Variants in BMPR1B observed in about 807,000 individuals in gnomAD.
BMPR1B encodes the protein bone morphogenetic protein receptor type-1B.
In BMPR1B, 12 loss-of-function variants were observed where a neutral mutation model predicts 59.1. That is an observed-to-expected ratio of 0.20 (90% CI 0.13 to 0.33). The LOEUF is 0.33. Ranked by LOEUF, BMPR1B falls within the 10% of genes least tolerant of loss-of-function variation. The pLI, the probability that BMPR1B is intolerant of heterozygous loss-of-function variation, is 1.00. For synonymous variants in BMPR1B, 237 were observed against 207.3 expected (o/e 1.14, Z -1.23); for missense variants, 550 against 610.9 (o/e 0.90, Z 1.05).
chr4:94,813,904 A>G (rs1448060152), intron 1 of BMPR1B, among the ~76,000 whole-genome samples: 1 of 152,196 alleles, frequency 6.6e-6, no homozygotes, highest in Admixed American at 6.5e-5. Context: ...GAAGGAAACA[A>G]TATCAAAGCA....
chr4:95,139,956 G>A (rs1734100751), intron 10 of BMPR1B, among the ~76,000 whole-genome samples: 2 of 152,140 alleles, frequency 1.3e-5, no homozygotes, highest in Non-Finnish European at 2.9e-5. Context: ...ACAGGCCCCA[G>A]TGAGGTGAGC....
At chr4:94,951,829 A>G (rs1729950407) in intron 2 of BMPR1B, among the ~76,000 whole-genome samples, 2 of 152,196 alleles carry the variant, frequency 1.3e-5, no homozygotes, top group African/African-American at 4.8e-5. Context: ...TTCAGAAGGA[A>G]TGGTACCAGC....
chr4:94,953,224 T>C (rs938871394), intron 2 of BMPR1B, among the ~76,000 whole-genome samples: 1 of 152,190 alleles, frequency 6.6e-6, no homozygotes, highest in Non-Finnish European at 1.5e-5. Flanking sequence ...AATTTGCCAG[T>C]GTGTGCCTTT....
intron 3 of BMPR1B, chr4:95,103,406 A>G (rs1030403055): frequency 1.0e-6 from 1 of 971,620 alleles, no homozygotes; most frequent in East Asian, 1.1e-4. Context: ...CACTATAGAT[A>G]AGCTAAATGT....
At chr4:94,996,981 A>G (rs1722104858) in intron 3 of BMPR1B, among the ~76,000 whole-genome samples, 1 of 152,170 alleles carries the variant, frequency 6.6e-6, no homozygotes, top group Non-Finnish European at 1.5e-5. Flanking sequence ...AGACAGAAAG[A>G]ATTGTTTTCT....
chr4:94,848,680 T>C (rs1229651111), intron 1 of BMPR1B, among the ~76,000 whole-genome samples: 1 of 152,194 alleles, frequency 6.6e-6, no homozygotes, highest in Non-Finnish European at 1.5e-5. Context: ...TCATTGATGA[T>C]TCTGGCTGCT....
At chr4:94,785,024 A>C (rs184203653) in intron 1 of BMPR1B, among the ~76,000 whole-genome samples, 2 of 152,190 alleles carry the variant, frequency 1.3e-5, no homozygotes, top group Admixed American at 1.3e-4. Context: ...AAGTTATGCT[A>C]TGGAGCAAAC....
intron 2 of BMPR1B, among the ~76,000 whole-genome samples, chr4:94,995,642 A>G (rs1722009719): frequency 6.6e-6 from 1 of 152,184 alleles, no homozygotes; most frequent in South Asian, 2.1e-4. Context: ...CACCTACCTG[A>G]GGAAAGCTGT....
intron 3 of BMPR1B, chr4:95,103,491 C>T (rs561258806): frequency 3.0e-6 from 3 of 985,328 alleles, no homozygotes; most frequent in Non-Finnish European, 3.6e-6. Flanking sequence ...TATAAGAGCT[C>T]TTACCACAAC....
At chr4:95,128,339 G>A (rs1037651999) in intron 8 of BMPR1B, among the ~76,000 whole-genome samples, 4 of 152,190 alleles carry the variant, frequency 2.6e-5, no homozygotes. Flanking sequence ...TTGGTGTAAA[G>A]TATATCTCTA....
chr4:95,029,180 C>A (rs960857309), intron 3 of BMPR1B, among the ~76,000 whole-genome samples: 1 of 151,722 alleles, frequency 6.6e-6, no homozygotes, highest in Non-Finnish European at 1.5e-5. Flanking sequence ...ATGTGCCATG[C>A]TGGTGTGCTG....
At chr4:94,983,818 C>T (rs550436816) in intron 2 of BMPR1B, among the ~76,000 whole-genome samples, 6 of 152,290 alleles carry the variant, frequency 3.9e-5, no homozygotes, top group East Asian at 1.9e-4. Context: ...TGGCCTTTGC[C>T]GTATTGTAAT....
intron 3 of BMPR1B, among the ~76,000 whole-genome samples, chr4:95,030,149 T>G (rs1249365587): frequency 7.2e-5 from 11 of 151,948 alleles, no homozygotes; most frequent in African/African-American, 1.9e-4. Context: ...TTTTGGCTTT[T>G]GTTGCCATTG....
intron 11 of BMPR1B, among the ~76,000 whole-genome samples, chr4:95,151,739 A>G (rs1735057575): frequency 6.6e-6 from 1 of 152,204 alleles, no homozygotes; most frequent in African/African-American, 2.4e-5. Context: ...ACTTGACGGC[A>G]TCATCTTTTT....
chr4:94,943,559 A>G (rs1476902214), intron 2 of BMPR1B, among the ~76,000 whole-genome samples: 1 of 152,222 alleles, frequency 6.6e-6, no homozygotes, highest in African/African-American at 2.4e-5. Context: ...TATGTGTATC[A>G]TGCTTAGGAT....
intron 10 of BMPR1B, among the ~76,000 whole-genome samples, chr4:95,137,162 G>A (rs568210081): frequency 6.6e-5 from 10 of 152,176 alleles, no homozygotes; most frequent in African/African-American, 1.4e-4. Context: ...CCTTCATTTC[G>A]TTATGTACCC....
At chr4:95,011,029 T>A (rs1723190029) in intron 3 of BMPR1B, among the ~76,000 whole-genome samples, 1 of 152,230 alleles carries the variant, frequency 6.6e-6, no homozygotes, top group South Asian at 2.1e-4. Flanking sequence ...TTAATTTATG[T>A]CAGTTGCTTT....
intron 3 of BMPR1B, among the ~76,000 whole-genome samples, chr4:95,072,449 C>T (rs1728380560): frequency 6.6e-6 from 1 of 152,116 alleles, no homozygotes; most frequent in African/African-American, 2.4e-5. Context: ...TTAGGCTTAG[C>T]TCTAGGGATT....
intron 1 of BMPR1B, among the ~76,000 whole-genome samples, chr4:94,873,729 A>G (rs960294108): frequency 1.3e-5 from 2 of 152,122 alleles, no homozygotes; most frequent in Admixed American, 6.6e-5. Context: ...TCTTACTTCT[A>G]TCTTCCTGTG....
Sources: gnomAD v4.1 joint callset for allele counts (sites outside exome capture counted in the v4.1 genomes callset) on GRCh38, gnomAD v4.1.1 for gene constraint, MANE v1.5 for transcripts, NCBI Gene and HGNC (gene_info 2026-07-23, HGNC 2026-07-21) for gene names.